Variants in HUWE1 observed in about 807,000 individuals in gnomAD.
The protein encoded by HUWE1 is E3 ubiquitin-protein ligase HUWE1.
In HUWE1, 18 loss-of-function variants were observed where a neutral mutation model predicts 299.4. The ratio of observed to expected loss-of-function variants is 0.06; its 90% CI spans 0.04 to 0.09. The LOEUF (loss-of-function observed/expected upper bound fraction) is 0.09, where lower values mean the gene tolerates loss of function less well. Ranked by LOEUF, HUWE1 falls within the 10% of genes least tolerant of loss-of-function variation. The probability of loss-of-function intolerance (pLI) is 1.00; values close to 1 mark genes in which losing one functional copy is unlikely to be tolerated. For synonymous variants in HUWE1, 1,317 were observed against 1,286.1 expected (o/e 1.02, Z -0.51); for missense variants, 1,832 against 3,462.3 (o/e 0.53, Z 11.82).
At chrX:53,533,682 G>T in intron 83 of HUWE1, 4 of 437,393 alleles carry the variant, frequency 9.1e-6, no homozygotes. Flanking sequence ...CTTGAAGGTG[G>T]TTTTCAGAGT....
intron 43 of HUWE1, among the ~76,000 whole-genome samples, chrX:53,578,322 C>T (rs1431623982): frequency 8.1e-4 from 85 of 105,144 alleles, no homozygotes; most frequent in African/African-American, 2.9e-3. Context: ...GGAGCGTCTC[C>T]GCCCGGCAGC....
In HUWE1 at chrX:53,532,338, TTAGAAA is replaced by T. The variant is rs1321496110; in HGVS notation, c.*965_*970del. On this transcript the variant is annotated 3_prime_UTR_variant, in exon 84 of 84. Transcript: ENST00000262854. The stretch of plus-strand genomic sequence containing the variant: ...TAAATTACTCGCTTATTAAAATTTA[TTAGAAA>T]TAAACAAACATTAATGAAATAAAAA... 15 of 111,277 alleles carry T rather than the reference TTAGAAA, an allele frequency of 1.3e-4. No individual in the cohort carries two copies. Among genetic ancestry groups the T allele is most frequent in the African/African-American group, 4.9e-4 (15 of 30,587 alleles). The allele number at this position is 111,277 out of a possible 1,213,427, so 9.2% of individuals were successfully genotyped here. A position where few individuals can be genotyped will look rare whatever the true frequency, so the allele number is the denominator to read the frequency against.
chrX:53,579,461 T>C (rs1426566788), intron 43 of HUWE1, among the ~76,000 whole-genome samples: 4 of 111,962 alleles, frequency 3.6e-5, no homozygotes, highest in African/African-American at 6.5e-5. Context: ...CAGTGGCTCA[T>C]TGGGGATGGG....
Position 53,577,087 on chromosome X carries a change from A to T in HUWE1, c.5717-20T>A. ...CTGAAGCTAAGCCAAAATGAGAGAGAAAAACCAGTCAATCATGAAGCAGTA... is the reference window on the plus strand; with the variant it reads ...CTGAAGCTAAGCCAAAATGAGAGAGTAAAACCAGTCAATCATGAAGCAGTA... On this transcript the variant is annotated intron_variant, in intron 43 of 83. Transcript: ENST00000262854. The T allele has an allele frequency of 8.7e-7, 1 of 1,155,745 alleles. No homozygotes were observed. Among genetic ancestry groups the T allele is most frequent in the Non-Finnish European group, 1.2e-6 (1 of 844,979 alleles).
At chrX:53,668,596 T>C (rs2069370868) in intron 3 of HUWE1, among the ~76,000 whole-genome samples, 1 of 111,570 alleles carries the variant, frequency 9.0e-6, no homozygotes, top group South Asian at 3.7e-4. Flanking sequence ...CAAGTTGCCA[T>C]ACATCTCTGA....
Position 53,628,633 on chromosome X carries a change from T to C in HUWE1, c.1115-13A>G, listed in dbSNP as rs1557020085. The stretch of plus-strand genomic sequence containing the variant: ...TCCATGGAAGGATCTACAAGGGAGG[T>C]GGGGAGAGGGAGAACAAAAACAAGC... On this transcript the variant is annotated splice_polypyrimidine_tract_variant and intron_variant, in intron 14 of 83. Coordinates refer to ENST00000262854, the MANE Select transcript of HUWE1 (RefSeq NM_031407.7). 9.3e-6 allele frequency: 11 copies of C among 1,181,096 alleles called. No individual in the cohort carries two copies. The highest frequency in any genetic ancestry group is 2.4e-5 in the Admixed American group (1 of 41,709).
intron 19 of HUWE1, among the ~76,000 whole-genome samples, chrX:53,623,104 C>T (rs1361754931): frequency 1.8e-5 from 2 of 111,121 alleles, no homozygotes; most frequent in Non-Finnish European, 3.8e-5. Flanking sequence ...CTGCCCGTGT[C>T]CCTCACTTCT....
At chrX:53,672,279 T>C (rs1302465186) in intron 3 of HUWE1, among the ~76,000 whole-genome samples, 4 of 107,391 alleles carry the variant, frequency 3.7e-5, no homozygotes, top group African/African-American at 1.0e-4. Flanking sequence ...TTTTTTTTTT[T>C]TGAGACAGAG....
At chrX:53,625,716 A>G in intron 17 of HUWE1, 2 of 142,374 alleles carry the variant, frequency 1.4e-5, no homozygotes, top group South Asian at 3.5e-4. Flanking sequence ...AGTTCTGCCT[A>G]AAGCCGCCTT....
intron 3 of HUWE1, among the ~76,000 whole-genome samples, chrX:53,678,489 G>A (rs781786359): frequency 1.4e-4 from 16 of 111,736 alleles, no homozygotes; most frequent in African/African-American, 4.6e-4. Context: ...TAGATAGTGA[G>A]ATCATCATAA....
At chrX:53,673,559 T>C (rs1302809566) in intron 3 of HUWE1, among the ~76,000 whole-genome samples, 2 of 111,831 alleles carry the variant, frequency 1.8e-5, no homozygotes, top group Non-Finnish European at 3.8e-5. Context: ...AGTGTAACCA[T>C]CACCCAAATA....
At position 53,591,002 on chromosome X, in the gene HUWE1, G is replaced by A. The variant is rs781945789; in HGVS notation, c.4093C>T (p.Arg1365Trp). ...HPPPIMGGVV[R>W]DLSMSEEDQM... ...TCACTGCTTCTGAGCCAACTTACCC[G>A]AACAACTCCTCCCATGATTGGAGGA... The change falls in exon 34 of 84, where the codon CGG becomes TGG. Residue 1365 changes from arginine to tryptophan, a missense_variant and splice_region_variant. Physicochemically the swap from Arg to Trp is moderately radical, Grantham distance 101. Around this residue, in one of 15 missense-constraint regions of HUWE1, gnomAD observed 658 missense variants for 1,282.6 expected, o/e 0.51. Coordinates refer to ENST00000262854, the MANE Select transcript of HUWE1 (RefSeq NM_031407.7). 1.7e-6 allele frequency: 2 copies of A among 1,210,953 alleles called. No homozygotes were observed. The highest frequency in any genetic ancestry group is 1.8e-5 in the South Asian group (1 of 56,919).
chrX:53,535,922 G>GTTTTTTT, intron 80 of HUWE1: 38 of 172,509 alleles, frequency 2.2e-4, no homozygotes, highest in Non-Finnish European at 2.8e-4. Flanking sequence ...ATGTACTGGA[G>GTTTTTTT]TTTTTTTTTT....
chrX:53,581,225 A>T (rs1301210602), intron 42 of HUWE1, among the ~76,000 whole-genome samples, 199 bp from the exon 43 acceptor site: 1 of 112,309 alleles, frequency 8.9e-6, no homozygotes, highest in African/African-American at 3.2e-5. Flanking sequence ...ATCAATTATT[A>T]GACCAGACTG....
chrX:53,546,512 A>G lies in HUWE1; in HGVS notation c.10839T>C (p.Ser3613=). Residue 3613 remains serine (S), a synonymous_variant, in exon 70 of 84, where the codon TCT becomes TCC. Transcript: ENST00000262854. ...GCTTGAGAACAGTGTCCCGGGTCCC[A>G]GAGTCCCCCCGGGAGAGCTGCAGTA... The part of the protein sequence containing the change: ...NVLLQLSRGD[S]GTRDTVLKLL... The G allele has an allele frequency of 8.3e-7, 1 of 1,209,350 alleles. No individual in the cohort carries two copies. The highest frequency in any genetic ancestry group is 1.1e-6 in the Non-Finnish European group (1 of 893,502).
At position 53,593,365 on chromosome X, in the gene HUWE1, T is replaced by C. The variant is rs782206456; in HGVS notation, c.3740A>G (p.Lys1247Arg). 6 of 1,155,426 alleles carry C rather than the reference T, an allele frequency of 5.2e-6. No individual in the cohort carries two copies. The South Asian group carries it at 1.1e-4, about 21-fold the overall frequency. Residue 1247 changes from lysine to arginine, a missense_variant and splice_region_variant, in exon 32 of 84, where the codon AAA becomes AGA. Around this residue, in one of 15 missense-constraint regions of HUWE1, gnomAD observed 658 missense variants for 1,282.6 expected, o/e 0.51. Coordinates refer to ENST00000262854, the MANE Select transcript of HUWE1 (RefSeq NM_031407.7). The stretch of plus-strand genomic sequence containing the variant: ...GATTTTAGAATACTGAATACTCACT[T>C]TCTGAGTTACCACAAGGAAGCGCAG... ...SALRFLVVTQ[K>R]AAFTCIKNLW...
At chrX:53,645,003 A>G (rs1296647856) in intron 7 of HUWE1, among the ~76,000 whole-genome samples, 1 of 112,222 alleles carries the variant, frequency 8.9e-6, no homozygotes, top group African/African-American at 3.2e-5. Flanking sequence ...TCTAGATCTT[A>G]TTATTGCATT....
At chrX:53,593,646 C>G in intron 31 of HUWE1, 45 bp from the exon 32 acceptor site, 1 of 1,032,069 alleles carries the variant, frequency 9.7e-7, no homozygotes, top group Non-Finnish European at 1.4e-6. Context: ...AGTATTTTAC[C>G]CTGGCAAGGG....
At position 53,593,419 on chromosome X, in the gene HUWE1, C is replaced by T. The variant is rs2064271729; in HGVS notation, c.3686G>A (p.Gly1229Asp). 8.3e-7 allele frequency: 1 copy of T among 1,209,748 alleles called. No individual in the cohort carries two copies. Among genetic ancestry groups the T allele is most frequent in the Admixed American group, 2.2e-5 (1 of 45,863 alleles). Reference protein sequence around the residue: ...PHSLPAKLPGGVQNFPQFSAL... With the variant: ...PHSLPAKLPGDVQNFPQFSAL... ...ACTGAACTGGGGAAAGTTCTGGACA[C>T]CTCCAGGCAATTTGGCAGGCAGCGA... Residue 1229 changes from glycine to aspartate, a missense_variant, in exon 32 of 84, where the codon GGT becomes GAT. Transcript: ENST00000262854.
Sources: gnomAD v4.1 joint callset for allele counts (sites outside exome capture counted in the v4.1 genomes callset) on GRCh38, gnomAD v4.1.1 for gene constraint, gnomAD v4.1.1 regional missense constraint, MANE v1.5 for transcripts, NCBI Gene and HGNC (gene_info 2026-07-23, HGNC 2026-07-21) for gene names.